Variants in SLC4A4 observed in about 807,000 individuals in gnomAD.
The protein encoded by SLC4A4 is electrogenic sodium bicarbonate cotransporter 1.
A neutral mutation model predicts 111.5 loss-of-function variants in SLC4A4; 27 were observed. The observed-to-expected ratio is 0.24, with a 90% CI of 0.18 to 0.33. SLC4A4 has a LOEUF of 0.33. Among genes scored for constraint, SLC4A4 ranks in the 10% least tolerant of loss-of-function variants. The pLI is 1.00. For synonymous variants in SLC4A4, 443 were observed against 463.4 expected (o/e 0.96, Z 0.57); for missense variants, 909 against 1,315.5 (o/e 0.69, Z 4.78).
At chr4:71,458,619 G>T (rs1359054912) in intron 12 of SLC4A4, among the ~76,000 whole-genome samples, 1 of 151,992 alleles carries the variant, frequency 6.6e-6, no homozygotes, top group East Asian at 1.9e-4. Context: ...ATTTATAGTT[G>T]CCATCTCCAA....
intron 1 of SLC4A4, among the ~76,000 whole-genome samples, chr4:71,086,960 G>A (rs1206975910): frequency 6.6e-6 from 1 of 151,970 alleles, no homozygotes; most frequent in African/African-American, 2.4e-5. Flanking sequence ...CTATTGATTG[G>A]AATAGTTTCA....
At position 71,520,941 on chromosome 4, in the gene SLC4A4, A is replaced by G. The variant is rs541247077; in HGVS notation, c.2167-11121A>G. On this transcript the variant is annotated intron_variant, in intron 16 of 25. Transcript: ENST00000264485. ...TGGCCTCAAGTGATCCTCCCACCTC[A>G]GAACTCCTGGCCTTGAGTGATCCTC... 7.2e-5 allele frequency among the ~76,000 whole-genome samples: 11 copies of G among 152,174 alleles called. No individual in the cohort carries two copies. In the South Asian group the frequency reaches 1.0e-3, roughly 14 times the overall value.
At chr4:71,531,205 T>C (rs1411309961) in intron 16 of SLC4A4, among the ~76,000 whole-genome samples, 2 of 152,096 alleles carry the variant, frequency 1.3e-5, no homozygotes, top group African/African-American at 4.8e-5. Context: ...AGCAAACAAA[T>C]GGTATATGCT....
At chr4:71,436,643 G>A (rs887096750) in intron 7 of SLC4A4, among the ~76,000 whole-genome samples, 33 of 152,156 alleles carry the variant, frequency 2.2e-4, no homozygotes, top group Non-Finnish European at 4.3e-4. Flanking sequence ...ATGAAACAGA[G>A]ACCAAAGTCA....
intron 8 of SLC4A4, among the ~76,000 whole-genome samples, chr4:71,441,961 T>C (rs1724759583): frequency 6.6e-6 from 1 of 152,194 alleles, no homozygotes; most frequent in African/African-American, 2.4e-5. Context: ...CAGAGCCTTG[T>C]GGTTCTATCT....
chr4:71,380,435 G>A (rs532558828), intron 6 of SLC4A4, among the ~76,000 whole-genome samples: 1 of 152,296 alleles, frequency 6.6e-6, no homozygotes, highest in East Asian at 1.9e-4. Context: ...CAGGTATGAG[G>A]ACCCTACGTC....
intron 1 of SLC4A4, among the ~76,000 whole-genome samples, chr4:71,074,231 A>T (rs1271384183): frequency 6.6e-6 from 1 of 152,170 alleles, no homozygotes; most frequent in Non-Finnish European, 1.5e-5. Context: ...AATCCCAGTG[A>T]GTCTGGGAAG....
chr4:71,153,539 C>T (rs754734207), intron 2 of SLC4A4, among the ~76,000 whole-genome samples: 3 of 152,130 alleles, frequency 2.0e-5, no homozygotes, highest in Non-Finnish European at 2.9e-5. Context: ...CATTGAGCTT[C>T]ACTTCCTTCA....
At chr4:71,474,596 A>G (rs548412149) in intron 14 of SLC4A4, among the ~76,000 whole-genome samples, 2 of 151,990 alleles carry the variant, frequency 1.3e-5, no homozygotes, top group African/African-American at 4.8e-5. Flanking sequence ...CTTCCCTCAC[A>G]ATAGGCAGTC....
chr4:71,106,963 T>C (rs1353596255), intron 2 of SLC4A4, among the ~76,000 whole-genome samples: 6 of 149,250 alleles, frequency 4.0e-5, no homozygotes, highest in African/African-American at 1.5e-4. Context: ...AAAAAAAGTC[T>C]GTAAAGAGAC....
rs766768655 is a variant in SLC4A4, at chr4:71,557,816, G to A, written c.2868G>A (p.Leu956=). ...PLRRVHLFTF[L]QVLCLALLWI... ...GCAGAGTCCACCTGTTCACTTTCCT[G>A]CAGGTGTTGTGTCTGGCCCTGCTTT... The change falls in exon 22 of 26, where the codon CTG becomes CTA. Residue 956 remains leucine, a synonymous_variant. Transcript: ENST00000264485. The A allele has an allele frequency of 3.7e-6, 6 of 1,612,512 alleles. No individual in the cohort carries two copies. The East Asian group carries it at 1.3e-4, about 36-fold the overall frequency.
Position 71,357,003 on chromosome 4 carries a change from A to G in SLC4A4, c.551-5A>G, listed in dbSNP as rs756692866. The G allele has an allele frequency of 4.3e-6, 7 of 1,613,510 alleles. No homozygotes were observed. In the South Asian group the frequency reaches 4.4e-5, roughly 10 times the overall value. On this transcript the variant is annotated splice_polypyrimidine_tract_variant and splice_region_variant and intron_variant, in intron 5 of 25. Transcript: ENST00000264485. ...TTTTGTTTTTTGCTTTTGTTTTTGT[A>G]CCAGAGATGATTGTTGACCATCAGA...
intron 3 of SLC4A4, among the ~76,000 whole-genome samples, chr4:71,271,049 C>A (rs1560833224): frequency 6.6e-6 from 1 of 152,150 alleles, no homozygotes; most frequent in Non-Finnish European, 1.5e-5. Flanking sequence ...TGGGTGCCCA[C>A]CACTACACAT....
At chr4:71,230,496 A>C (rs1289533879) in intron 1 of SLC4A4, among the ~76,000 whole-genome samples, 1 of 152,164 alleles carries the variant, frequency 6.6e-6, no homozygotes, top group Non-Finnish European at 1.5e-5. Context: ...GTGAAGTGAG[A>C]GATTATGGGG....
chr4:71,283,102 A>G (rs887186301), intron 3 of SLC4A4, among the ~76,000 whole-genome samples: 3 of 152,218 alleles, frequency 2.0e-5, no homozygotes, highest in African/African-American at 7.2e-5. Context: ...GCTACTCTTC[A>G]TCTTTTATGA....
rs555039702 is a variant in SLC4A4, at chr4:71,063,197, T to C, written c.-65+409T>C. On this transcript the variant is annotated intron_variant, in intron 1 of 26. Transcript: ENST00000649996. ...TATTTACTTGGATAAAAGGACTTAG[T>C]GTCATACCCATGGATCATTTTAAAC... Among the ~76,000 whole-genome samples the C allele has an allele frequency of 8.5e-5, 13 of 152,306 alleles. No individual in the cohort carries two copies. In the East Asian group the frequency reaches 2.3e-3, roughly 27 times the overall value.
chr4:71,080,290 G>A (rs1741957716), intron 1 of SLC4A4, among the ~76,000 whole-genome samples: 1 of 152,046 alleles, frequency 6.6e-6, no homozygotes, highest in Admixed American at 6.5e-5. Context: ...TGGAGTCAGG[G>A]CTGGGTCTAC....
chr4:71,422,679 C>T (rs1722666486), intron 7 of SLC4A4, among the ~76,000 whole-genome samples: 1 of 151,220 alleles, frequency 6.6e-6, no homozygotes, highest in Non-Finnish European at 1.5e-5. Flanking sequence ...ATGGCTGGTT[C>T]AATATACGCA....
At chr4:71,452,412 G>A (rs980405674) in intron 11 of SLC4A4, among the ~76,000 whole-genome samples, 9 of 151,628 alleles carry the variant, frequency 5.9e-5, no homozygotes, top group Non-Finnish European at 1.2e-4. Flanking sequence ...TTTCACCTTT[G>A]CTAAACTAAT....
Sources: allele counts gnomAD v4.1 joint callset (sites outside exome capture counted in the v4.1 genomes callset), GRCh38; gene constraint gnomAD v4.1.1; transcripts MANE v1.5; gene names NCBI Gene and HGNC (gene_info 2026-07-23, HGNC 2026-07-21).